BNC2: variants seen among roughly 807,000 people sequenced by gnomAD.
The protein encoded by BNC2 is zinc finger protein basonuclin-2.
BNC2 carries 20 observed loss-of-function variants against 76.3 expected under a neutral mutation model. The ratio of observed to expected loss-of-function variants is 0.26; its 90% CI spans 0.18 to 0.38. The LOEUF (loss-of-function observed/expected upper bound fraction) is 0.38. Among genes scored for constraint, BNC2 ranks in the 10% least tolerant of loss-of-function variants. The pLI is 1.00. For synonymous variants in BNC2, 582 were observed against 514.8 expected (o/e 1.13, Z -1.77); for missense variants, 1,382 against 1,399.8 (o/e 0.99, Z 0.20).
chr9:16,844,195 C>T (rs1336726534), intron 1 of BNC2, among the ~76,000 whole-genome samples: 1 of 151,750 alleles, frequency 6.6e-6, no homozygotes, highest in African/African-American at 2.4e-5. Context: ...TTTCAACACA[C>T]ATTTTAAGTG....
intron 5 of BNC2, among the ~76,000 whole-genome samples, chr9:16,509,928 A>T (rs750761822): frequency 6.6e-6 from 1 of 152,230 alleles, no homozygotes; most frequent in Non-Finnish European, 1.5e-5. Flanking sequence ...TCTAAAATTA[A>T]GGTGACTTTG....
chr9:16,637,516 T>C (rs1478746544), intron 3 of BNC2, among the ~76,000 whole-genome samples: 1 of 152,232 alleles, frequency 6.6e-6, no homozygotes, highest in Non-Finnish European at 1.5e-5. Context: ...CAGTGTGTGA[T>C]TTAAATCACA....
chr9:16,846,428 G>T (rs901336303), intron 1 of BNC2, among the ~76,000 whole-genome samples: 2 of 152,116 alleles, frequency 1.3e-5, no homozygotes, highest in African/African-American at 4.8e-5. Flanking sequence ...CCAATTCTGT[G>T]GTATATTCTT....
intron 1 of BNC2, among the ~76,000 whole-genome samples, chr9:16,813,704 A>C (rs1818113960): frequency 1.3e-5 from 2 of 152,360 alleles, no homozygotes; most frequent in Admixed American, 1.3e-4. Flanking sequence ...CAAATAAAGC[A>C]AACTCATTTT....
At position 16,568,787 on chromosome 9, in the gene BNC2, G is replaced by C. The variant is rs574069342; in HGVS notation, c.433+14196C>G. On this transcript the variant is annotated intron_variant, in intron 4 of 6. Coordinates refer to ENST00000380672, the MANE Select transcript of BNC2 (RefSeq NM_017637.6). ...TTTTAGTGAATCAGGAGATCGTGAA[G>C]GCAGGCAACAATTGTGATTAAGAGA... Among the ~76,000 whole-genome samples the C allele has an allele frequency of 3.0e-4, 45 of 152,240 alleles. 1 individual carries two copies. The East Asian group carries it at 8.3e-3, about 28-fold the overall frequency.
chr9:16,497,286 T>A (rs1256871344), intron 5 of BNC2, among the ~76,000 whole-genome samples: 1 of 152,236 alleles, frequency 6.6e-6, no homozygotes. Flanking sequence ...ATCTCATTTA[T>A]CCTAAAAACA....
At chr9:16,683,232 G>T (rs747958136) in intron 3 of BNC2, among the ~76,000 whole-genome samples, 4 of 152,156 alleles carry the variant, frequency 2.6e-5, no homozygotes, top group Non-Finnish European at 4.4e-5. Flanking sequence ...TAAGAAATCT[G>T]AAATTTTAGG....
chr9:16,800,569 T>C (rs555530485), intron 1 of BNC2, among the ~76,000 whole-genome samples: 3 of 152,274 alleles, frequency 2.0e-5, no homozygotes, highest in Admixed American at 1.3e-4. Flanking sequence ...CTTTTTTTTT[T>C]CTGGCAATTT....
chr9:16,550,925 G>T (rs1308605475), intron 5 of BNC2, among the ~76,000 whole-genome samples: 1 of 152,104 alleles, frequency 6.6e-6, no homozygotes, highest in Non-Finnish European at 1.5e-5. Context: ...CTGTAGAAAT[G>T]ACTGTAGAAA....
chr9:16,697,302 GCCACTGAA>G (rs1335084328), intron 3 of BNC2, among the ~76,000 whole-genome samples: 2 of 151,970 alleles, frequency 1.3e-5, no homozygotes, highest in Non-Finnish European at 2.9e-5. Context: ...CCGAGATTGC[GCCACTGAA>G]CTCCAACCTA....
intron 5 of BNC2, among the ~76,000 whole-genome samples, chr9:16,459,154 C>G (rs1300933802): frequency 1.3e-5 from 2 of 152,178 alleles, no homozygotes; most frequent in Non-Finnish European, 2.9e-5. Flanking sequence ...TTTCCTCTCC[C>G]TTAGGATGAG....
intron 3 of BNC2, among the ~76,000 whole-genome samples, chr9:16,672,279 C>T (rs1410978266): frequency 2.0e-5 from 3 of 152,146 alleles, no homozygotes; most frequent in Admixed American, 2.0e-4. Context: ...GGGCGGATCA[C>T]GAGGTCAGGA....
chr9:16,674,086 T>C (rs951496145), intron 3 of BNC2, among the ~76,000 whole-genome samples: 1 of 152,320 alleles, frequency 6.6e-6, no homozygotes, highest in South Asian at 2.1e-4. Context: ...CTCAAAGCCT[T>C]TTAGATATAT....
intron 4 of BNC2, among the ~76,000 whole-genome samples, chr9:16,579,216 C>T (rs922989063): frequency 1.3e-5 from 2 of 152,090 alleles, no homozygotes; most frequent in African/African-American, 4.8e-5. Flanking sequence ...TAACACAGCC[C>T]ACTAAGTATT....
At chr9:16,774,301 A>G (rs1825906683) in intron 1 of BNC2, among the ~76,000 whole-genome samples, 2 of 152,176 alleles carry the variant, frequency 1.3e-5, no homozygotes, top group East Asian at 1.9e-4. Context: ...CAGTATACTA[A>G]TAAGTACAAC....
chr9:16,764,087 C>G (rs1260095508), intron 1 of BNC2, among the ~76,000 whole-genome samples: 1 of 152,226 alleles, frequency 6.6e-6, no homozygotes, highest in Admixed American at 6.5e-5. Context: ...ACATTGCTCT[C>G]TCTTTCCCAC....
At position 16,414,759 on chromosome 9, in the gene BNC2, TTTAA is replaced by T. The variant is rs751888268; in HGVS notation, c.*4226_*4229del. The T allele has an allele frequency of 1.9e-4, 29 of 152,330 alleles. No individual in the cohort carries two copies. The highest frequency in any genetic ancestry group is 6.2e-4 in the South Asian group (3 of 4,826). 9.4% of individuals were successfully genotyped at this position (152,330 alleles called of 1,614,324 possible). A position where few individuals can be genotyped will look rare whatever the true frequency, so the allele number is the denominator to read the frequency against. On this transcript the variant is annotated 3_prime_UTR_variant, in exon 7 of 7. Transcript: ENST00000380672. ...AATCTGGTGACTAGCTTCTTTATGC[TTTAA>T]TTGTCAACGGCCCTCATTCTCATTT...
intron 1 of BNC2, among the ~76,000 whole-genome samples, chr9:16,847,201 C>A (rs1358346808): frequency 6.6e-6 from 1 of 152,056 alleles, no homozygotes; most frequent in African/African-American, 2.4e-5. Flanking sequence ...GACAGGCATA[C>A]ATGTTTCAAC....
chr9:16,443,433 T>C (rs1821169819), intron 5 of BNC2, among the ~76,000 whole-genome samples: 1 of 152,162 alleles, frequency 6.6e-6, no homozygotes, highest in South Asian at 2.1e-4. Flanking sequence ...TTAATTCAAA[T>C]ATCAAAGCAA....
Sources: gnomAD v4.1 joint callset for allele counts (sites outside exome capture counted in the v4.1 genomes callset) on GRCh38, gnomAD v4.1.1 for gene constraint, MANE v1.5 for transcripts, NCBI Gene and HGNC (gene_info 2026-07-23, HGNC 2026-07-21) for gene names.